Variants in GCNT2 observed in about 807,000 individuals in gnomAD.
GCNT2 encodes the protein glucosaminyl (N-acetyl) transferase 2 (I blood group), also known as N-acetyllactosaminide beta-1,6-N-acetylglucosaminyl-transferase.
Under a neutral mutation model 34.2 loss-of-function variants are expected in GCNT2, and 34 were observed. That is an observed-to-expected ratio of 1.00 (90% confidence interval 0.76 to 1.32). The LOEUF (loss-of-function observed/expected upper bound fraction) is 1.32. GCNT2 is among the 40% of genes most tolerant of loss of function. The pLI is 0.00. For missense variants in GCNT2, 584 were observed against 489.4 expected, an observed-to-expected ratio of 1.19 and a Z score of -1.82; for synonymous variants, 212 against 188.0, an observed-to-expected ratio of 1.13 and a Z score of -1.04.
In GCNT2 at chr6:10,529,573, C is replaced by CT. The variant is rs762413480; in HGVS notation, c.663dup (p.Pro222SerfsTer2). 1 of 1,614,160 alleles carries CT rather than the reference C, an allele frequency of 6.2e-7. No homozygotes were observed. The highest frequency in any genetic ancestry group is 2.2e-5 in the East Asian group (1 of 44,888). ...AAAAATATCACCCCCGGAGTGCTGC[C>CT]TCCTGACCACGCTGTTGGACGGACT... On this transcript the variant is annotated frameshift_variant, in exon 3 of 5. Transcript: ENST00000495262. LOFTEE classifies it high-confidence loss of function.
At chr6:10,556,777 C>T (rs1433604701) in intron 3 of GCNT2, 3 of 1,613,984 alleles carry the variant, frequency 1.9e-6, no homozygotes, top group African/African-American at 1.3e-5. Context: ...TTTACATGCC[C>T]CAAAATATCT....
rs67442555 is a variant in GCNT2 at position 10,532,914 on chromosome 6, C to CTT, written c.925+3097_925+3098dup. 9.9e-3 allele frequency among the ~76,000 whole-genome samples: 843 copies of CTT among 85,400 alleles called. 28 individuals are homozygous for CTT. The highest frequency in any genetic ancestry group is 0.035 in the African/African-American group (752 of 21,758). 56.0% of individuals were successfully genotyped at this position (85,400 alleles called of 152,430 possible). On this transcript the variant is annotated intron_variant, in intron 3 of 4. Transcript: ENST00000495262. ...TGATGTGTATATGTTGTGGTTTTTG[C>CTT]TTTTTTTTTTTTTTTTTTTTGGCAG...
At chr6:10,526,226 A>G (rs1179552356) in intron 1 of GCNT2, among the ~76,000 whole-genome samples, 1 of 152,074 alleles carries the variant, frequency 6.6e-6, no homozygotes, top group Non-Finnish European at 1.5e-5. Context: ...GGTTGATTAA[A>G]TTCTATTTTG....
At chr6:10,579,838 A>AAAAAAAAAAAAAAAAT in intron 3 of GCNT2, among the ~76,000 whole-genome samples, 1 of 149,678 alleles carries the variant, frequency 6.7e-6, no homozygotes, top group Admixed American at 6.6e-5. Flanking sequence ...AAAAAAAAAA[A>AAAAAAAAAAAAAAAAT]AAAAAAAAAA....
intron 3 of GCNT2, among the ~76,000 whole-genome samples, chr6:10,543,926 T>C (rs1003108101): frequency 1.3e-5 from 2 of 152,142 alleles, no homozygotes; most frequent in African/African-American, 2.4e-5. Context: ...TTGTCTGACA[T>C]TGAATTAAGG....
chr6:10,587,994 T>C (rs983850132), intron 3 of GCNT2, among the ~76,000 whole-genome samples: 2 of 152,220 alleles, frequency 1.3e-5, no homozygotes, highest in African/African-American at 4.8e-5. Context: ...GTCATTATCA[T>C]TGGCATACTT....
chr6:10,562,472 C>G (rs896892440), intron 3 of GCNT2, among the ~76,000 whole-genome samples: 3 of 151,990 alleles, frequency 2.0e-5, no homozygotes, highest in African/African-American at 4.8e-5. Flanking sequence ...AGTCCCAGCA[C>G]TTTTTGAGGC....
Position 10,588,850 on chromosome 6 carries a change from GGTGTGT to G in GCNT2, c.926-32500_926-32495del, listed in dbSNP as rs1250435867. On this transcript the variant is annotated intron_variant, in intron 3 of 4. Transcript: ENST00000495262. ...CAGTGTATGTGTGTGGTGTGTGTGTGGTGTGTATGTGTATGTGTGTGGGGTATGTGT... is the reference window on the plus strand; with the variant it reads ...CAGTGTATGTGTGTGGTGTGTGTGTGATGTGTATGTGTGTGGGGTATGTGT... Among the ~76,000 whole-genome samples the G allele has an allele frequency of 2.1e-5, 3 of 143,986 alleles. No homozygotes were observed. The East Asian group carries it at 6.5e-4, about 31-fold the overall frequency. 94.5% of individuals were successfully genotyped at this position (143,986 alleles called of 152,430 possible). A position where few individuals can be genotyped will look rare whatever the true frequency, so the allele number is the denominator to read the frequency against.
At position 10,589,098 on chromosome 6, in the gene GCNT2, G is replaced by T. The variant is rs1299365191; in HGVS notation, c.926-32253G>T. On this transcript the variant is annotated intron_variant, in intron 3 of 4. Coordinates refer to ENST00000495262, the MANE Select transcript of GCNT2 (RefSeq NM_145649.5). ...GTGGCGTGTTTGTAGTGTGGTGTGT[G>T]TGTAGTGTGTGTGTGGTGTGTGTGT... 1.2e-3 allele frequency among the ~76,000 whole-genome samples: 136 copies of T among 116,672 alleles called. 2 individuals are homozygous for T. The highest frequency in any genetic ancestry group is 3.6e-3 in the African/African-American group (125 of 35,128). 76.5% of individuals were successfully genotyped at this position (116,672 alleles called of 152,430 possible). A position where few individuals can be genotyped will look rare whatever the true frequency, so the allele number is the denominator to read the frequency against.
intron 3 of GCNT2, among the ~76,000 whole-genome samples, chr6:10,616,343 C>T (rs1208069830): frequency 6.6e-6 from 1 of 151,548 alleles, no homozygotes; most frequent in Non-Finnish European, 1.5e-5. Flanking sequence ...AGATTTATTG[C>T]AAAGGACAAA....
chr6:10,621,648 C>T (rs147655142), intron 4 of GCNT2: 2 of 563,912 alleles, frequency 3.5e-6, no homozygotes, highest in African/African-American at 3.8e-5. Context: ...TTATAATTAC[C>T]TAGGGAGATG....
chr6:10,590,086 T>C lies in GCNT2; in HGVS notation c.926-31265T>C, dbSNP rs151074453. Among the ~76,000 whole-genome samples the C allele has an allele frequency of 1.8e-3, 280 of 152,226 alleles. 1 individual carries two copies. The highest frequency in any genetic ancestry group is 6.4e-3 in the African/African-American group (265 of 41,546). On this transcript the variant is annotated intron_variant, in intron 3 of 4. Transcript: ENST00000495262. ...CCTTGCTCCAGGCTTTATAATGGCT[T>C]CTCCTGATCTTAAGGGACCCTTAAG...
At chr6:10,579,826 CAAAAAAAAAAA>C (rs61490868) in intron 3 of GCNT2, among the ~76,000 whole-genome samples, 7 of 89,916 alleles carry the variant, frequency 7.8e-5, no homozygotes, top group Non-Finnish European at 1.0e-4. Context: ...AAAAAACAAA[CAAAAAAAAAAA>C]AAAAAAAAAA....
At position 10,626,703 on chromosome 6, in the gene GCNT2, T is replaced by A. The variant is rs1766273080; in HGVS notation, c.*96T>A. 1 of 858,828 alleles carries A rather than the reference T, an allele frequency of 1.2e-6. No individual in the cohort carries two copies. The highest frequency in any genetic ancestry group is 2.0e-6 in the Non-Finnish European group (1 of 512,588). 53.2% of individuals were successfully genotyped at this position (858,828 alleles called of 1,614,324 possible). ...TTTTGCCTTCGTAATGTTAACCGTT[T>A]CAGGACCACGTTTATAGCTTCAGGA... On this transcript the variant is annotated 3_prime_UTR_variant, in exon 5 of 5. Coordinates refer to ENST00000495262, the MANE Select transcript of GCNT2 (RefSeq NM_145649.5).
intron 3 of GCNT2, among the ~76,000 whole-genome samples, chr6:10,549,604 C>T (rs981509651): frequency 6.1e-5 from 8 of 132,196 alleles, no homozygotes; most frequent in Non-Finnish European, 1.5e-5. Context: ...CAGGGTCTCG[C>T]TCTGTCACCC....
chr6:10,578,837 T>C (rs1763942427), intron 3 of GCNT2, among the ~76,000 whole-genome samples: 1 of 152,176 alleles, frequency 6.6e-6, no homozygotes, highest in African/African-American at 2.4e-5. Flanking sequence ...GTTGTTGTTG[T>C]TAAGATCATC....
intron 3 of GCNT2, among the ~76,000 whole-genome samples, chr6:10,580,300 C>T (rs1273835237): frequency 1.3e-5 from 2 of 152,156 alleles, no homozygotes; most frequent in African/African-American, 2.4e-5. Flanking sequence ...CAGGCTCTCT[C>T]ATTCCCAGCA....
Position 10,574,881 on chromosome 6 carries a change from C to G in GCNT2, c.925+45045C>G, listed in dbSNP as rs1176970253. ...AGGCACCTTTCTCTTTGTCTTCTTT[C>G]TTTTTCTGATCGTTTTTCTTCAAGC... On this transcript the variant is annotated intron_variant, in intron 3 of 4. Coordinates refer to ENST00000495262, the MANE Select transcript of GCNT2 (RefSeq NM_145649.5). 5.7e-6 allele frequency: 4 copies of G among 702,932 alleles called. No individual in the cohort carries two copies. The African/African-American group carries it at 7.0e-5, about 12-fold the overall frequency. The allele number at this position is 702,932 out of a possible 1,614,324, so 43.5% of individuals were successfully genotyped here.
Position 10,549,561 on chromosome 6 carries a change from C to CTTTTT in GCNT2, c.925+19726_925+19727insTTTTT, listed in dbSNP as rs1425642393. ...ACTTCCTTTCTCTCTCAATCTCTCT[C>CTTTTT]TCTTTTTTTTTTTTTTTTTTTTTTT... On this transcript the variant is annotated intron_variant, in intron 3 of 4. Coordinates refer to ENST00000495262, the MANE Select transcript of GCNT2 (RefSeq NM_145649.5). 4.7e-4 allele frequency among the ~76,000 whole-genome samples: 52 copies of CTTTTT among 111,304 alleles called. 1 individual carries two copies. The highest frequency in any genetic ancestry group is 1.9e-3 in the African/African-American group (46 of 23,670). The allele number at this position is 111,304 out of a possible 152,430, so 73.0% of individuals were successfully genotyped here. A position where few individuals can be genotyped will look rare whatever the true frequency, so the allele number is the denominator to read the frequency against.
Sources: allele counts gnomAD v4.1 joint callset (sites outside exome capture counted in the v4.1 genomes callset), GRCh38; gene constraint gnomAD v4.1.1; transcripts MANE v1.5; gene names NCBI Gene and HGNC (gene_info 2026-07-23, HGNC 2026-07-21).